The following ATP6V0A4 variants were observed in gnomAD, a reference collection of about 807,000 sequenced individuals.
ATP6V0A4 encodes V-type proton ATPase 116 kDa subunit a 4.
A neutral mutation model predicts 107.3 loss-of-function variants in ATP6V0A4; 86 were observed. The observed-to-expected ratio is 0.80, with a 90% confidence interval of 0.67 to 0.96. ATP6V0A4 has a LOEUF of 0.96. Among genes scored for constraint, ATP6V0A4 ranks in the 40% least tolerant of loss-of-function variants. The pLI is 0.00. For missense variants in ATP6V0A4, 908 were observed against 1,045.6 expected (o/e 0.87, Z 1.81); for synonymous variants, 353 against 381.4 (o/e 0.93, Z 0.87).
chr7:138,791,170 G>T (rs1808395668), intron 1 of ATP6V0A4, among the ~76,000 whole-genome samples: 1 of 152,032 alleles, frequency 6.6e-6, no homozygotes, highest in African/African-American at 2.4e-5. Flanking sequence ...GAACAGAATG[G>T]AAATTCTGGA....
chr7:138,713,890 C>T (rs961638501), intron 20 of ATP6V0A4, among the ~76,000 whole-genome samples: 4 of 149,610 alleles, frequency 2.7e-5, no homozygotes, highest in African/African-American at 9.9e-5. Context: ...TGTTTGAGCC[C>T]AGAAGTTCAA....
At chr7:138,777,121 C>T (rs1807695065) in intron 2 of ATP6V0A4, among the ~76,000 whole-genome samples, 1 of 150,626 alleles carries the variant, frequency 6.6e-6, no homozygotes, top group Non-Finnish European at 1.5e-5. Flanking sequence ...AGCACTCCAG[C>T]CTAAAAGACA....
intron 15 of ATP6V0A4, among the ~76,000 whole-genome samples, chr7:138,738,498 A>G (rs1489182020): frequency 6.6e-6 from 1 of 152,180 alleles, no homozygotes; most frequent in Non-Finnish European, 1.5e-5. Flanking sequence ...TAAACATGAA[A>G]TTCCTTTGAC....
Position 138,759,869 on chromosome 7 carries a change from G to A in ATP6V0A4, c.522C>T (p.Ala174=), listed in dbSNP as rs563386735. ...AYMTGKLGFI[A]GVINRERMAS... is the part of the protein sequence containing the mutation. The stretch of plus-strand genomic sequence containing the variant: ...CCATCCTCTCCCTGTTGATCACACC[G>A]GCTATGAACCTAGGCAGCCAGAAGG... Residue 174 remains alanine, a synonymous_variant, in exon 8 of 22, where the codon GCC becomes GCT. Coordinates refer to ENST00000310018, the MANE Select transcript of ATP6V0A4 (RefSeq NM_020632.3). 9.9e-6 allele frequency: 16 copies of A among 1,614,062 alleles called. No individual in the cohort carries two copies. The East Asian group carries it at 1.3e-4, about 13-fold the overall frequency.
At chr7:138,717,079 T>C (rs558948486) in intron 19 of ATP6V0A4, among the ~76,000 whole-genome samples, 3 of 152,194 alleles carry the variant, frequency 2.0e-5, no homozygotes, top group South Asian at 4.1e-4. Flanking sequence ...AAGAATGACA[T>C]TGACAGAGGA....
At chr7:138,784,241 T>TATACAC (rs1563020784) in intron 2 of ATP6V0A4, among the ~76,000 whole-genome samples, 2 of 39,514 alleles carry the variant, frequency 5.1e-5, no homozygotes, top group African/African-American at 1.5e-4. Flanking sequence ...TATACGTATA[T>TATACAC]ATATATATAT....
intron 5 of ATP6V0A4, among the ~76,000 whole-genome samples, chr7:138,767,022 G>T (rs747186466): frequency 1.3e-5 from 2 of 152,196 alleles, no homozygotes; most frequent in African/African-American, 4.8e-5. Context: ...AAGCAGGTGT[G>T]AGAAACCAGC....
chr7:138,751,654 T>C (rs1584925851), intron 11 of ATP6V0A4, among the ~76,000 whole-genome samples: 1 of 151,816 alleles, frequency 6.6e-6, no homozygotes, highest in Non-Finnish European at 1.5e-5. Context: ...CCTAGATCCG[T>C]TCCTAGTACA....
At chr7:138,770,254 G>A (rs1286130583) in intron 3 of ATP6V0A4, among the ~76,000 whole-genome samples, 1 of 151,586 alleles carries the variant, frequency 6.6e-6, no homozygotes, top group Non-Finnish European at 1.5e-5. Context: ...AGGAAGAGAG[G>A]GAGGGGAAGG....
At chr7:138,725,981 G>A (rs936152427) in intron 18 of ATP6V0A4, among the ~76,000 whole-genome samples, 1 of 150,604 alleles carries the variant, frequency 6.6e-6, no homozygotes, top group Non-Finnish European at 1.5e-5. Context: ...TTGAAATGAA[G>A]TTTATTTATT....
At chr7:138,734,777 CAAAAAAAAAA>C (rs528307650) in intron 15 of ATP6V0A4, among the ~76,000 whole-genome samples, 3 of 108,978 alleles carry the variant, frequency 2.8e-5, no homozygotes, top group African/African-American at 1.0e-4. Context: ...GACTCTGTCT[CAAAAAAAAAA>C]AAAAAAAAAA....
intron 2 of ATP6V0A4, among the ~76,000 whole-genome samples, chr7:138,776,576 C>T (rs946249640): frequency 2.0e-5 from 3 of 152,246 alleles, no homozygotes; most frequent in Admixed American, 6.5e-5. Flanking sequence ...ACTTCACCCT[C>T]CTACCTCTCA....
At chr7:138,725,193 G>A (rs758969928) in intron 18 of ATP6V0A4, among the ~76,000 whole-genome samples, 4 of 152,150 alleles carry the variant, frequency 2.6e-5, no homozygotes, top group Non-Finnish European at 4.4e-5. Flanking sequence ...GATTGCCTGA[G>A]CCCAGGAGGT....
intron 1 of ATP6V0A4, chr7:138,797,828 A>G (rs1808757032): frequency 3.6e-6 from 2 of 563,282 alleles, no homozygotes; most frequent in East Asian, 7.1e-5. Flanking sequence ...AATAAGGACA[A>G]TATTTGCGCT....
chr7:138,723,572 C>T (rs1261586788), intron 18 of ATP6V0A4, among the ~76,000 whole-genome samples: 1 of 142,550 alleles, frequency 7.0e-6, no homozygotes, highest in Non-Finnish European at 1.5e-5. Flanking sequence ...TTCGCCCAGG[C>T]TGGAGTGAAG....
intron 14 of ATP6V0A4, among the ~76,000 whole-genome samples, chr7:138,742,265 A>G (rs1453378482): frequency 6.6e-6 from 1 of 151,990 alleles, no homozygotes; most frequent in Non-Finnish European, 1.5e-5. Context: ...CGTCTCTACT[A>G]AAAATATAAA....
chr7:138,710,729 C>T (rs576366766), intron 20 of ATP6V0A4, among the ~76,000 whole-genome samples: 98 of 152,262 alleles, frequency 6.4e-4, no homozygotes, highest in African/African-American at 2.3e-3. Context: ...CAGCCTCACT[C>T]GGGAAAGTGG....
At chr7:138,784,903 T>C (rs1808110678) in intron 2 of ATP6V0A4, among the ~76,000 whole-genome samples, 1 of 152,146 alleles carries the variant, frequency 6.6e-6, no homozygotes, top group Non-Finnish European at 1.5e-5. Context: ...GAATGGCTCT[T>C]GAGGGTGAAG....
intron 21 of ATP6V0A4, among the ~76,000 whole-genome samples, chr7:138,707,347 T>A (rs1405429385): frequency 2.8e-5 from 3 of 107,310 alleles, no homozygotes; most frequent in African/African-American, 1.1e-4. Flanking sequence ...ATATATATAT[T>A]ATAATATATA....
Sources: allele counts gnomAD v4.1 joint callset (sites outside exome capture counted in the v4.1 genomes callset), GRCh38; gene constraint gnomAD v4.1.1; transcripts MANE v1.5; gene names NCBI Gene and HGNC (gene_info 2026-07-23, HGNC 2026-07-21).